Variants in NPAS3 observed in about 807,000 individuals in gnomAD.
NPAS3 encodes neuronal PAS domain protein 3.
In NPAS3, 14 loss-of-function variants were observed where a neutral mutation model predicts 73.1. The ratio of observed to expected loss-of-function variants is 0.19; its 90% CI spans 0.13 to 0.30. NPAS3 has a LOEUF of 0.30. Among genes scored for constraint, NPAS3 ranks in the 10% least tolerant of loss-of-function variants. The pLI is 1.00. For synonymous variants in NPAS3, 620 were observed against 541.5 expected, an observed-to-expected ratio of 1.14 and a Z score of -2.01; for missense variants, 1,096 against 1,250.0, an observed-to-expected ratio of 0.88 and a Z score of 1.86.
chr14:33,242,072 G>T (rs1030735070), intron 3 of NPAS3, among the ~76,000 whole-genome samples: 5 of 151,940 alleles, frequency 3.3e-5, no homozygotes, highest in African/African-American at 1.2e-4. Flanking sequence ...TTTTCCAACT[G>T]ATATACTAAT....
chr14:33,734,458 A>G (rs940063678), intron 6 of NPAS3, among the ~76,000 whole-genome samples: 2 of 152,356 alleles, frequency 1.3e-5, no homozygotes, highest in African/African-American at 2.4e-5. Context: ...CTAAAAGTAC[A>G]TAAAAGGAAA....
At chr14:32,958,805 A>AG (rs1316216768) in intron 1 of NPAS3, among the ~76,000 whole-genome samples, 2 of 152,236 alleles carry the variant, frequency 1.3e-5, no homozygotes, top group African/African-American at 4.8e-5. Flanking sequence ...GGGTAAATAA[A>AG]TACATGGGCA....
chr14:33,218,758 C>T (rs1490603937), intron 3 of NPAS3, among the ~76,000 whole-genome samples: 2 of 152,114 alleles, frequency 1.3e-5, no homozygotes, highest in African/African-American at 4.8e-5. Flanking sequence ...AAATTTGTCC[C>T]ACACAACTAT....
At chr14:33,284,744 A>T (rs534724319) in intron 3 of NPAS3, among the ~76,000 whole-genome samples, 2 of 145,206 alleles carry the variant, frequency 1.4e-5, no homozygotes, top group Non-Finnish European at 3.0e-5. Flanking sequence ...TACATATTTC[A>T]TATCTATATA....
chr14:33,556,821 C>T (rs572054766), intron 4 of NPAS3, among the ~76,000 whole-genome samples: 90 of 152,300 alleles, frequency 5.9e-4, no homozygotes, highest in African/African-American at 2.0e-3. Context: ...TTCATCAGTC[C>T]ATCCTTCTGC....
chr14:33,678,453 T>C (rs1855572823), intron 6 of NPAS3, among the ~76,000 whole-genome samples: 1 of 152,178 alleles, frequency 6.6e-6, no homozygotes. Context: ...ACAGTGCTAA[T>C]TCACAACCCT....
chr14:33,240,897 T>G (rs1367390794), intron 3 of NPAS3, among the ~76,000 whole-genome samples: 2 of 151,906 alleles, frequency 1.3e-5, no homozygotes, highest in African/African-American at 2.4e-5. Context: ...ATTTTTATAC[T>G]AATAATTACA....
chr14:33,080,093 A>G (rs1213159532), intron 2 of NPAS3, among the ~76,000 whole-genome samples: 2 of 152,036 alleles, frequency 1.3e-5, no homozygotes, highest in Non-Finnish European at 2.9e-5. Flanking sequence ...ATATAGTCCA[A>G]TCTGATTTTT....
At chr14:33,452,062 A>G (rs923846456) in intron 4 of NPAS3, among the ~76,000 whole-genome samples, 1 of 152,204 alleles carries the variant, frequency 6.6e-6, no homozygotes, top group African/African-American at 2.4e-5. Flanking sequence ...AATTTGTCTC[A>G]TCATGTTAAT....
intron 4 of NPAS3, 94 bp downstream of exon 4, chr14:33,367,362 C>T: frequency 1.7e-6 from 1 of 598,930 alleles, no homozygotes; most frequent in Non-Finnish European, 2.9e-6. Context: ...TAAATGTCAG[C>T]TGTATATTTG....
intron 5 of NPAS3, among the ~76,000 whole-genome samples, chr14:33,613,165 C>T (rs1268845986): frequency 2.0e-5 from 3 of 152,108 alleles, no homozygotes; most frequent in Non-Finnish European, 4.4e-5. Context: ...AGCCCAAATT[C>T]ACACAGCTCA....
intron 4 of NPAS3, among the ~76,000 whole-genome samples, chr14:33,404,050 G>A (rs2047559151): frequency 6.6e-6 from 1 of 152,142 alleles, no homozygotes; most frequent in South Asian, 2.1e-4. Context: ...GTCCTTTCAG[G>A]TACCTGGGAA....
At chr14:33,682,945 C>A (rs1211132373) in intron 6 of NPAS3, among the ~76,000 whole-genome samples, 1 of 152,190 alleles carries the variant, frequency 6.6e-6, no homozygotes, top group Non-Finnish European at 1.5e-5. Context: ...GGACCTAATT[C>A]CTTGACCCAC....
At chr14:33,405,728 T>C (rs2047636882) in intron 4 of NPAS3, among the ~76,000 whole-genome samples, 1 of 152,152 alleles carries the variant, frequency 6.6e-6, no homozygotes, top group Non-Finnish European at 1.5e-5. Context: ...GAGTGCTTCT[T>C]CTATAATAAC....
chr14:33,059,877 C>T (rs1290016570), intron 2 of NPAS3, among the ~76,000 whole-genome samples: 1 of 152,214 alleles, frequency 6.6e-6, no homozygotes, highest in East Asian at 1.9e-4. Flanking sequence ...TAGCTCACTG[C>T]AGCCTCGAAC....
chr14:33,407,347 A>G (rs1468415174), intron 4 of NPAS3, among the ~76,000 whole-genome samples: 1 of 152,112 alleles, frequency 6.6e-6, no homozygotes. Context: ...TTTTGGTACT[A>G]CTTGTAAAGC....
At chr14:33,658,434 C>G (rs1444309440) in intron 5 of NPAS3, among the ~76,000 whole-genome samples, 3 of 152,174 alleles carry the variant, frequency 2.0e-5, no homozygotes, top group African/African-American at 7.2e-5. Context: ...AAACTGATTT[C>G]ACATATCCCC....
rs532463658 is a variant in NPAS3 at position 33,800,644 on chromosome 14, C to T, written c.2337C>T (p.Ser779=). Residue 779 remains serine (S), a synonymous_variant, in exon 12 of 12, where the codon AGC becomes AGT. Transcript: ENST00000356141. The surrounding 1 kb of genome is among the most constrained non-coding windows in gnomAD (Gnocchi z 6.5). ...GCGGCGCGGGGGGCGGCGGCCCCAG[C>T]GCGTCCAACTCCTTGCTGTACACTG... is the stretch of plus-strand genomic sequence containing the variant. The T allele has an allele frequency of 1.4e-6, 2 of 1,444,646 alleles. No homozygotes were observed. The highest frequency in any genetic ancestry group is 1.5e-5 in the African/African-American group (1 of 66,702). 89.5% of individuals were successfully genotyped at this position (1,444,646 alleles called of 1,614,324 possible). A position where few individuals can be genotyped will look rare whatever the true frequency, so the allele number is the denominator to read the frequency against.
intron 6 of NPAS3, among the ~76,000 whole-genome samples, chr14:33,707,386 G>T (rs551663324): frequency 6.6e-6 from 1 of 151,700 alleles, no homozygotes; most frequent in African/African-American, 2.4e-5. Flanking sequence ...TATTTGTTGA[G>T]TGCCAACAGT....
Sources: allele counts gnomAD v4.1 joint callset (sites outside exome capture counted in the v4.1 genomes callset), GRCh38; gene constraint gnomAD v4.1.1; non-coding constraint Gnocchi (gnomAD v3.1); transcripts MANE v1.5; gene names NCBI Gene and HGNC (gene_info 2026-07-23, HGNC 2026-07-21).